Variants in PVR observed in about 807,000 individuals in gnomAD.
The protein encoded by PVR is PVR cell adhesion molecule.
PVR carries 39 observed loss-of-function variants against 43.3 expected under a neutral mutation model. That is an observed-to-expected ratio of 0.90 (90% confidence interval 0.70 to 1.18). PVR has a LOEUF of 1.18. Ranked by LOEUF, PVR falls within the 50% of genes most tolerant of loss-of-function variation. The pLI, the probability that PVR is intolerant of heterozygous loss-of-function variation, is 0.00. For missense variants in PVR, 480 were observed against 549.7 expected (o/e 0.87, Z 1.27); for synonymous variants, 224 against 233.2 (o/e 0.96, Z 0.36).
chr19:44,656,112 C>T (rs1343676176), intron 4 of PVR, among the ~76,000 whole-genome samples: 3 of 152,132 alleles, frequency 2.0e-5, no homozygotes, highest in Non-Finnish European at 4.4e-5. Context: ...CAGGATCTCA[C>T]TATGTTGCCC....
chr19:44,647,753 G>C (rs1296929196), intron 2 of PVR, among the ~76,000 whole-genome samples, 183 bp downstream of exon 2: 1 of 130,682 alleles, frequency 7.7e-6, no homozygotes, highest in East Asian at 2.8e-4. Flanking sequence ...TGAGTGGGGG[G>C]AGGGGCTGCA....
chr19:44,644,779 G>C (rs1039628961), intron 1 of PVR, among the ~76,000 whole-genome samples: 1 of 143,302 alleles, frequency 7.0e-6, no homozygotes, highest in Admixed American at 7.2e-5. Context: ...GCAGTGTCCT[G>C]CTCTCGGCTC....
chr19:44,647,702 G>A, intron 2 of PVR, 132 bp downstream of exon 2: 1 of 574,872 alleles, frequency 1.7e-6, no homozygotes, highest in Non-Finnish European at 3.0e-6. Context: ...GGGGACAAAA[G>A]GAGGGGGCAG....
chr19:44,651,983 C>A (rs1973292821), intron 3 of PVR, among the ~76,000 whole-genome samples: 1 of 151,960 alleles, frequency 6.6e-6, no homozygotes, highest in South Asian at 2.1e-4. Flanking sequence ...TGGTGAAACT[C>A]TGTCTTCACT....
chr19:44,655,532 A>G (rs1464146793), intron 4 of PVR, among the ~76,000 whole-genome samples: 1 of 152,228 alleles, frequency 6.6e-6, no homozygotes, highest in African/African-American at 2.4e-5. Context: ...ACCCCTTATT[A>G]TACATCCTGT....
At position 44,647,545 on chromosome 19, in the gene PVR, C is replaced by T. The variant is rs1376313956; in HGVS notation, c.402C>T (p.Ser134=). The T allele has an allele frequency of 3.1e-6, 5 of 1,612,642 alleles. No individual in the cohort carries two copies. In the African/African-American group the frequency reaches 4.0e-5, roughly 13 times the overall value. ...TCACGTTCCCGCAGGGCAGCAGGAG[C>T]GTGGATATCTGGCTCCGAGTGCTTG... ...LFVTFPQGSR[S]VDIWLRVLAK... is the part of the protein sequence containing the mutation. Residue 134 remains serine, a synonymous_variant, in exon 2 of 8, where the codon AGC becomes AGT. Coordinates refer to ENST00000425690, the MANE Select transcript of PVR (RefSeq NM_006505.5).
chr19:44,661,311 C>T lies in PVR; in HGVS notation c.1170C>T (p.Ala390=), dbSNP rs369178432. Residue 390 remains alanine (A), a synonymous_variant, in exon 7 of 8, where the codon GCC becomes GCT. Transcript: ENST00000425690. Reference sequence around the variant, plus strand: ...CCCCAGGTACAGAGCATGCCAGCGCCTCAGCTAATGGGGTAAGTGCAGTGT... The same window carrying T: ...CCCCAGGTACAGAGCATGCCAGCGCTTCAGCTAATGGGGTAAGTGCAGTGT... ...LCPSSTEHAS[A]SANGHVSYSA... is the part of the protein sequence containing the mutation. 1.2e-6 allele frequency: 2 copies of T among 1,614,064 alleles called. No homozygotes were observed. The highest frequency in any genetic ancestry group is 2.2e-5 in the East Asian group (1 of 44,888).
chr19:44,647,343 C>A lies in PVR; in HGVS notation c.200C>A (p.Ala67Glu). The change falls in exon 2 of 8, where the codon GCG (alanine) becomes GAG (glutamate). Residue 67 changes from alanine (A) to glutamate (E), a missense_variant. Transcript: ENST00000425690. Reference sequence around the variant, plus strand: ...ACGCATGTGTCACAGCTGACTTGGGCGCGGCATGGTGAATCTGGCAGCATG... The same window carrying A: ...ACGCATGTGTCACAGCTGACTTGGGAGCGGCATGGTGAATCTGGCAGCATG... Reference protein sequence around the residue: ...EVTHVSQLTWARHGESGSMAV... With the variant: ...EVTHVSQLTWERHGESGSMAV... 2.5e-6 allele frequency: 4 copies of A among 1,613,324 alleles called. No individual in the cohort carries two copies. The highest frequency in any genetic ancestry group is 3.4e-6 in the Non-Finnish European group (4 of 1,179,678).
At chr19:44,652,926 C>A (rs1973322191) in intron 3 of PVR, among the ~76,000 whole-genome samples, 1 of 151,992 alleles carries the variant, frequency 6.6e-6, no homozygotes, top group African/African-American at 2.4e-5. Flanking sequence ...TTTATTTTGT[C>A]CTAGTAAAGC....
rs373986925 is a variant in PVR at position 44,661,857 on chromosome 19, G to A, written c.*46G>A. On this transcript the variant is annotated 3_prime_UTR_variant, in exon 8 of 8. Coordinates refer to ENST00000425690, the MANE Select transcript of PVR (RefSeq NM_006505.5). ...GAGAGAGACTGGAGCTGGCAAGGAC[G>A]TGGGCCTCCAGAGTTGGACCCGACC... is the stretch of plus-strand genomic sequence containing the variant. 35 of 1,574,630 alleles carry A rather than the reference G, an allele frequency of 2.2e-5. No homozygotes were observed. The highest frequency in any genetic ancestry group is 3.4e-4 in the Middle Eastern group (2 of 5,910).
rs746196791 is a variant in PVR at position 44,662,661 on chromosome 19, C to T, written c.*850C>T. 1.1e-4 allele frequency: 17 copies of T among 152,292 alleles called. No homozygotes were observed. The highest frequency in any genetic ancestry group is 5.9e-4 in the Admixed American group (9 of 15,268). The allele number at this position is 152,292 out of a possible 1,614,324, so 9.4% of individuals were successfully genotyped here. A position where few individuals can be genotyped will look rare whatever the true frequency, so the allele number is the denominator to read the frequency against. On this transcript the variant is annotated 3_prime_UTR_variant, in exon 8 of 8. Transcript: ENST00000425690. ...CAAGACTCCAAGATCAGCTACCAGGCAGGATATTCCAAGGGCTTAGAGATG... is the reference window on the plus strand; with the variant it reads ...CAAGACTCCAAGATCAGCTACCAGGTAGGATATTCCAAGGGCTTAGAGATG...
At chr19:44,654,316 A>G (rs1037142641) in intron 4 of PVR, among the ~76,000 whole-genome samples, 4 of 151,668 alleles carry the variant, frequency 2.6e-5, no homozygotes, top group African/African-American at 9.7e-5. Flanking sequence ...GGGAGCCTGG[A>G]CCCCTGGGTC....
chr19:44,653,173 C>T (rs1203700216), intron 3 of PVR, among the ~76,000 whole-genome samples: 1 of 152,184 alleles, frequency 6.6e-6, no homozygotes, highest in Non-Finnish European at 1.5e-5. Context: ...ATTTTCAACA[C>T]TGGCCCGACA....
rs748709258 is a variant in PVR at position 44,650,099 on chromosome 19, G to A, written c.718G>A (p.Val240Met). The A allele has an allele frequency of 2.4e-5, 37 of 1,526,362 alleles. No homozygotes were observed. Among genetic ancestry groups the A allele is most frequent in the African/African-American group, 1.5e-4 (11 of 72,176 alleles). The allele number at this position is 1,526,362 out of a possible 1,614,324, so 94.6% of individuals were successfully genotyped here. Residue 240 changes from valine (V) to methionine (M), a missense_variant, in exon 3 of 8, where the codon GTG becomes ATG. Physicochemically the swap from Val to Met is conservative, Grantham distance 21. Coordinates refer to ENST00000425690, the MANE Select transcript of PVR (RefSeq NM_006505.5). ...KPQLLTVNLT[V>M]YYPPEVSISG... is the part of the protein sequence containing the mutation. ...TCAGCTGCTGACTGTGAACCTCACC[G>A]TGTACTGTGAGTGTGCCCAAGTCAG...
intron 4 of PVR, among the ~76,000 whole-genome samples, chr19:44,654,305 TG>T (rs1296714602): frequency 6.2e-4 from 94 of 151,250 alleles, no homozygotes; most frequent in African/African-American, 2.2e-3. Flanking sequence ...GAGGAGAAGC[TG>T]GGAGCCTGGA....
intron 2 of PVR, 41 bp downstream of exon 2, chr19:44,647,611 A>G: frequency 6.6e-7 from 1 of 1,520,732 alleles, no homozygotes; most frequent in Non-Finnish European, 8.9e-7. Flanking sequence ...AAAGGCAGAG[A>G]CTTGGTGGGA....
chr19:44,654,525 T>C (rs1338602639), intron 4 of PVR, among the ~76,000 whole-genome samples: 1 of 152,208 alleles, frequency 6.6e-6, no homozygotes, highest in Non-Finnish European at 1.5e-5. Context: ...GTGCCTGCTC[T>C]GTGCCCGGTA....
intron 4 of PVR, among the ~76,000 whole-genome samples, chr19:44,655,159 C>A (rs767125213): frequency 2.4e-4 from 36 of 152,152 alleles, no homozygotes; most frequent in Admixed American, 6.5e-4. Context: ...TCATAGCTCA[C>A]TGCAGCCTGG....
chr19:44,650,362 G>C (rs1973247535), intron 3 of PVR, among the ~76,000 whole-genome samples: 2 of 152,050 alleles, frequency 1.3e-5, no homozygotes, highest in Non-Finnish European at 2.9e-5. Context: ...GGCTCCTCTA[G>C]CGGCTGTCTG....
Sources: gnomAD v4.1 joint callset for allele counts (sites outside exome capture counted in the v4.1 genomes callset) on GRCh38, gnomAD v4.1.1 for gene constraint, MANE v1.5 for transcripts, NCBI Gene and HGNC (gene_info 2026-07-23, HGNC 2026-07-21) for gene names.